Variants in USP9X observed in about 807,000 individuals in gnomAD.
USP9X encodes the protein ubiquitin specific peptidase 9 X-linked, also known as ubiquitin carboxyl-terminal hydrolase 9X.
A neutral mutation model predicts 190.3 loss-of-function variants in USP9X; 7 were observed. The observed-to-expected ratio is 0.04, with a 90% CI of 0.02 to 0.07. The LOEUF is 0.07. Among genes scored for constraint, USP9X ranks in the 10% least tolerant of loss-of-function variants. USP9X has a pLI of 1.00. For synonymous variants in USP9X, 645 were observed against 659.5 expected (o/e 0.98, Z 0.34); for missense variants, 1,010 against 1,916.9 (o/e 0.53, Z 8.83).
At chrX:41,192,189 G>T (rs1249967933) in intron 26 of USP9X, among the ~76,000 whole-genome samples, 4 of 111,965 alleles carry the variant, frequency 3.6e-5, no homozygotes, top group Non-Finnish European at 7.5e-5. Flanking sequence ...CGTTATCTTT[G>T]AATTAAGTTC....
At position 41,168,249 on chromosome X, in the gene USP9X, T is replaced by C. The variant is rs1325204378; in HGVS notation, c.2636+31T>C. The stretch of plus-strand genomic sequence containing the variant: ...TGAATAACTAATCTATTGGTGCTAA[T>C]TCTTAATTATTTGATATTTTCCTAG... On this transcript the variant is annotated intron_variant, in intron 18 of 44. Coordinates refer to ENST00000378308, the MANE Select transcript of USP9X (RefSeq NM_001039591.3). 8.3e-6 allele frequency: 9 copies of C among 1,085,864 alleles called. No individual in the cohort carries two copies. The African/African-American group carries it at 1.7e-4, about 20-fold the overall frequency. 89.5% of individuals were successfully genotyped at this position (1,085,864 alleles called of 1,213,427 possible).
intron 1 of USP9X, among the ~76,000 whole-genome samples, chrX:41,109,527 A>T (rs889399473): frequency 6.2e-5 from 7 of 112,494 alleles, no homozygotes; most frequent in African/African-American, 2.3e-4. Flanking sequence ...TGAATGCAGG[A>T]TGCAGTTCTG....
intron 21 of USP9X, among the ~76,000 whole-genome samples, chrX:41,175,341 C>T (rs891037909): frequency 1.8e-5 from 2 of 110,222 alleles, no homozygotes; most frequent in East Asian, 5.7e-4. Flanking sequence ...GCAACATAGC[C>T]AGACTTCATT....
chrX:41,231,872 C>T (rs2063362923), intron 44 of USP9X, among the ~76,000 whole-genome samples: 1 of 111,520 alleles, frequency 9.0e-6, no homozygotes, highest in African/African-American at 3.3e-5. Flanking sequence ...TTCCTTTGAC[C>T]CTGAGAAAGC....
intron 1 of USP9X, among the ~76,000 whole-genome samples, chrX:41,116,342 T>C (rs1301103416): frequency 8.9e-6 from 1 of 112,596 alleles, no homozygotes; most frequent in Non-Finnish European, 1.9e-5. Flanking sequence ...TTTGAATAAT[T>C]ACTAAGTTGT....
chrX:41,181,435 CTTTTTTT>C (rs200403625), intron 21 of USP9X, among the ~76,000 whole-genome samples: 5 of 38,575 alleles, frequency 1.3e-4, no homozygotes, highest in African/African-American at 1.7e-4. Context: ...CCACACCTGA[CTTTTTTT>C]TTTTTTTTTT....
At chrX:41,223,942 C>T (rs1442644605) in intron 39 of USP9X, among the ~76,000 whole-genome samples, 1 of 111,757 alleles carries the variant, frequency 8.9e-6, no homozygotes, top group East Asian at 2.8e-4. Context: ...GTGGCTCATG[C>T]CTGTAATCCC....
At chrX:41,195,335 T>G (rs1415361162) in intron 26 of USP9X, among the ~76,000 whole-genome samples, 3 of 111,401 alleles carry the variant, frequency 2.7e-5, no homozygotes, top group African/African-American at 9.8e-5. Context: ...GCACCCAGCC[T>G]GTGGTTCTCA....
At chrX:41,124,586 A>G (rs1859937138) in intron 2 of USP9X, among the ~76,000 whole-genome samples, 2 of 112,298 alleles carry the variant, frequency 1.8e-5, no homozygotes, top group African/African-American at 6.5e-5. Context: ...CCATGTGTCA[A>G]TTCTAAGGGG....
At chrX:41,133,530 A>G (rs2062342886) in intron 4 of USP9X, among the ~76,000 whole-genome samples, 1 of 111,899 alleles carries the variant, frequency 8.9e-6, no homozygotes, top group African/African-American at 3.2e-5. Context: ...TTATTTTAAA[A>G]TGTACAATTA....
chrX:41,196,654 T>C lies in USP9X; in HGVS notation c.4149T>C (p.Leu1383=), dbSNP rs2062987067. Residue 1383 remains leucine, a synonymous_variant, in exon 28 of 45, where the codon CTT becomes CTC. Coordinates refer to ENST00000378308, the MANE Select transcript of USP9X (RefSeq NM_001039591.3). ...GDYFTLLRHL[L]NYAYNSNINV... ...ACTTTACTCTTTTAAGACACCTTCT[T>C]AATTACGCTTACAATAGTAATATTA... The C allele has an allele frequency of 7.5e-6, 9 of 1,202,847 alleles. No individual in the cohort carries two copies. Among genetic ancestry groups the C allele is most frequent in the Middle Eastern group, 4.6e-4 (2 of 4,330 alleles).
intron 15 of USP9X, among the ~76,000 whole-genome samples, chrX:41,163,541 C>G (rs1352800289): frequency 9.1e-6 from 1 of 109,610 alleles, no homozygotes; most frequent in Non-Finnish European, 1.9e-5. Flanking sequence ...GGTTTGAGCC[C>G]AGGAGTTCAA....
Position 41,135,833 on chromosome X carries a change from G to T in USP9X, c.436-971G>T, listed in dbSNP as rs371515076. Among the ~76,000 whole-genome samples the T allele has an allele frequency of 9.0e-5, 10 of 111,219 alleles. No homozygotes were observed. In the East Asian group the frequency reaches 2.9e-3, roughly 32 times the overall value. The stretch of plus-strand genomic sequence containing the variant: ...TTTAGGAGAGATGGGGTTTCACCAT[G>T]TTGGCCAGGCTGGTCTCGAACTCCT... On this transcript the variant is annotated intron_variant, in intron 5 of 44. Coordinates refer to ENST00000378308, the MANE Select transcript of USP9X (RefSeq NM_001039591.3).
rs929846404 is a variant in USP9X, at chrX:41,112,998, A to G, written c.-158-10473A>G. On this transcript the variant is annotated intron_variant, in intron 1 of 44. Coordinates refer to ENST00000378308, the MANE Select transcript of USP9X (RefSeq NM_001039591.3). ...TTTTTGGCAATTTCTCTGTGTCCAT[A>G]GAAGTGTGTCAAACCTGTGATAACC... Among the ~76,000 whole-genome samples the G allele has an allele frequency of 1.6e-4, 18 of 111,802 alleles. No homozygotes were observed. The Admixed American group carries it at 1.7e-3, about 11-fold the overall frequency.
At position 41,168,092 on chromosome X, in the gene USP9X, A is replaced by G. The variant is rs2062693283; in HGVS notation, c.2510A>G (p.Lys837Arg). The G allele has an allele frequency of 8.3e-7, 1 of 1,209,810 alleles. No homozygotes were observed. Among genetic ancestry groups the G allele is most frequent in the Non-Finnish European group, 1.1e-6 (1 of 895,058 alleles). Reference sequence around the variant, plus strand: ...ACATTGTGTGTTTTGGATGGTGACAAAGACAGTGTTAATTGTGCAAGACAG... The same window carrying G: ...ACATTGTGTGTTTTGGATGGTGACAGAGACAGTGTTAATTGTGCAAGACAG... ...YDTLCVLDGD[K>R]DSVNCARQEA... Residue 837 changes from lysine (K) to arginine (R), a missense_variant, in exon 18 of 45, where the codon AAA becomes AGA. Transcript: ENST00000378308.
intron 21 of USP9X, among the ~76,000 whole-genome samples, chrX:41,174,992 A>AG (rs938874554): frequency 3.6e-5 from 4 of 111,937 alleles, no homozygotes; most frequent in Non-Finnish European, 7.5e-5. Context: ...AAGAAAAAAA[A>AG]AAGTATTTTG....
chrX:41,197,594 T>A, intron 29 of USP9X, 84 bp downstream of exon 29: 1 of 773,170 alleles, frequency 1.3e-6, no homozygotes, highest in Admixed American at 3.8e-5. Flanking sequence ...TATAGTAGTA[T>A]CATGTCTTTG....
Position 41,156,504 on chromosome X carries a change from T to C in USP9X, c.1897+3423T>C, listed in dbSNP as rs762958947. On this transcript the variant is annotated intron_variant, in intron 14 of 44. Transcript: ENST00000378308. ...CAGTGCCTGCTTGTAGGATAAATGCTTTACTTAAGGCATGGCAGGCTGAGA... is the reference window on the plus strand; with the variant it reads ...CAGTGCCTGCTTGTAGGATAAATGCCTTACTTAAGGCATGGCAGGCTGAGA... Among the ~76,000 whole-genome samples the C allele has an allele frequency of 2.7e-5, 3 of 112,110 alleles. No homozygotes were observed. In the South Asian group the frequency reaches 1.1e-3, roughly 41 times the overall value.
chrX:41,214,498 T>C, intron 33 of USP9X, 70 bp from the exon 34 acceptor site: 27 of 1,012,036 alleles, frequency 2.7e-5, no homozygotes, highest in Non-Finnish European at 3.5e-5. Flanking sequence ...GCAAATGTAG[T>C]TTACATTAAG....
Sources: allele counts gnomAD v4.1 joint callset (sites outside exome capture counted in the v4.1 genomes callset), GRCh38; gene constraint gnomAD v4.1.1; transcripts MANE v1.5; gene names NCBI Gene and HGNC (gene_info 2026-07-23, HGNC 2026-07-21).